KIAA1328: variants seen among roughly 807,000 people sequenced by gnomAD.
KIAA1328 encodes KIAA1328, also known as protein hinderin.
In KIAA1328, 52 loss-of-function variants were observed where a neutral mutation model predicts 68.1. The ratio of observed to expected loss-of-function variants is 0.76; its 90% CI spans 0.61 to 0.96. KIAA1328 has a LOEUF of 0.96. KIAA1328 is among the 40% of genes least tolerant of loss of function. The pLI is 0.00. For missense variants in KIAA1328, 641 were observed against 677.6 expected, an observed-to-expected ratio of 0.95 and a Z score of 0.60; for synonymous variants, 232 against 239.4, an observed-to-expected ratio of 0.97 and a Z score of 0.28.
intron 6 of KIAA1328, among the ~76,000 whole-genome samples, chr18:37,009,032 G>A (rs1314430057): frequency 6.6e-6 from 1 of 152,178 alleles, no homozygotes; most frequent in Non-Finnish European, 1.5e-5. Context: ...GGCAACTTCT[G>A]CAAAGTGTCC....
chr18:37,067,201 A>G lies in KIAA1328; in HGVS notation c.888A>G (p.Pro296=), dbSNP rs1421865134. 15 of 1,613,922 alleles carry G rather than the reference A, an allele frequency of 9.3e-6. No individual in the cohort carries two copies. The highest frequency in any genetic ancestry group is 1.2e-5 in the Non-Finnish European group (14 of 1,179,904). Residue 296 remains proline, a synonymous_variant, in exon 7 of 10, where the codon CCA becomes CCG. Coordinates refer to ENST00000280020, the MANE Select transcript of KIAA1328 (RefSeq NM_020776.3). The part of the protein sequence containing the change: ...PQEELHMKEC[P]HLKPTPSQCC... ...AAGAATTGCACATGAAGGAATGTCC[A>G]CATCTTAAGCCTACTCCTAGTCAAT... is the stretch of plus-strand genomic sequence containing the variant.
intron 7 of KIAA1328, among the ~76,000 whole-genome samples, chr18:37,153,869 A>T (rs1222003393): frequency 6.6e-6 from 1 of 151,274 alleles, no homozygotes; most frequent in African/African-American, 2.4e-5. Context: ...AAAAAAAAAA[A>T]AAAAAAAGAC....
At chr18:37,214,497 C>T (rs2060385363) in intron 9 of KIAA1328, among the ~76,000 whole-genome samples, 1 of 152,076 alleles carries the variant, frequency 6.6e-6, no homozygotes, top group African/African-American at 2.4e-5. Context: ...CTGTTCTGTT[C>T]CATTGTTCTA....
chr18:36,889,474 G>A (rs2048608321), intron 5 of KIAA1328, among the ~76,000 whole-genome samples: 1 of 152,160 alleles, frequency 6.6e-6, no homozygotes, highest in African/African-American at 2.4e-5. Context: ...AAGTACTAAA[G>A]TCTAATGTTT....
rs186235440 is a variant in KIAA1328, at chr18:36,962,584, C to T, written c.576+3149C>T. Among the ~76,000 whole-genome samples the T allele has an allele frequency of 3.3e-5, 5 of 152,288 alleles. No individual in the cohort carries two copies. The East Asian group carries it at 5.8e-4, about 18-fold the overall frequency. ...ACGTAATTGGAAGTAAAGCACTCCTCAGCAAATGTAACAGAACAGAAATCA... is the reference window on the plus strand; with the variant it reads ...ACGTAATTGGAAGTAAAGCACTCCTTAGCAAATGTAACAGAACAGAAATCA... On this transcript the variant is annotated intron_variant, in intron 6 of 9. Transcript: ENST00000280020.
intron 6 of KIAA1328, among the ~76,000 whole-genome samples, chr18:36,969,217 A>T (rs2052069681): frequency 6.6e-6 from 1 of 152,194 alleles, no homozygotes. Context: ...GTAACATCAC[A>T]ACTAAAAGAA....
intron 3 of KIAA1328, among the ~76,000 whole-genome samples, chr18:36,836,605 A>C (rs1437402898): frequency 1.3e-5 from 2 of 150,084 alleles, no homozygotes; most frequent in East Asian, 4.0e-4. Flanking sequence ...GCTTTAGTCA[A>C]CTCTCTTTTT....
chr18:36,882,780 T>C (rs1054701052), intron 4 of KIAA1328, among the ~76,000 whole-genome samples: 10 of 152,234 alleles, frequency 6.6e-5, no homozygotes, highest in Non-Finnish European at 1.5e-4. Flanking sequence ...CATTATGGAA[T>C]ATCTGACCTG....
At chr18:36,887,422 A>AAACC (rs2048537280) in intron 5 of KIAA1328, among the ~76,000 whole-genome samples, 3 of 152,082 alleles carry the variant, frequency 2.0e-5, no homozygotes, top group African/African-American at 7.2e-5. Context: ...TCAGTGGTTT[A>AAACC]ACATTTTCAG....
chr18:37,007,316 C>T (rs1269084138), intron 6 of KIAA1328, among the ~76,000 whole-genome samples: 3 of 152,180 alleles, frequency 2.0e-5, no homozygotes, highest in Admixed American at 2.0e-4. Flanking sequence ...TGAGTGGCTA[C>T]TCTCAGCAGA....
At chr18:37,003,497 A>C (rs1012313636) in intron 6 of KIAA1328, among the ~76,000 whole-genome samples, 1 of 152,044 alleles carries the variant, frequency 6.6e-6, no homozygotes, top group African/African-American at 2.4e-5. Flanking sequence ...CAGGAAAAAA[A>C]CTTGTATTAG....
chr18:37,029,198 T>G (rs1486699465), intron 6 of KIAA1328, among the ~76,000 whole-genome samples: 1 of 127,900 alleles, frequency 7.8e-6, no homozygotes, highest in Non-Finnish European at 1.6e-5. Context: ...ATTTTGAAAC[T>G]CAATATTTTT....
chr18:37,129,076 T>C (rs961494072), intron 7 of KIAA1328, among the ~76,000 whole-genome samples: 4 of 152,176 alleles, frequency 2.6e-5, no homozygotes, highest in African/African-American at 9.7e-5. Flanking sequence ...GTACCTTGAT[T>C]ATGATGCTGA....
rs1270161499 is a variant in KIAA1328, at chr18:37,160,341, G to T, written c.1374G>T (p.Gln458His). Residue 458 changes from glutamine (Q) to histidine (H), a missense_variant, in exon 8 of 10, where the codon CAG becomes CAT. Gln to His is a conservative substitution (Grantham distance 24, BLOSUM62 0). Coordinates refer to ENST00000280020, the MANE Select transcript of KIAA1328 (RefSeq NM_020776.3). ...GFHSHMKDDA[Q>H]WSCQKKDTCR... Reference sequence around the variant, plus strand: ...ATTCGCATATGAAAGATGATGCCCAGTGGTCATGTCAAAAGAAAGATACAT... The same window carrying T: ...ATTCGCATATGAAAGATGATGCCCATTGGTCATGTCAAAAGAAAGATACAT... 1.7e-5 allele frequency: 28 copies of T among 1,613,558 alleles called. No homozygotes were observed. The highest frequency in any genetic ancestry group is 2.3e-5 in the Non-Finnish European group (27 of 1,179,580).
intron 4 of KIAA1328, among the ~76,000 whole-genome samples, chr18:36,867,526 T>G (rs1173802970): frequency 3.3e-5 from 5 of 152,230 alleles, no homozygotes; most frequent in Non-Finnish European, 7.3e-5. Flanking sequence ...CAGAGTGACA[T>G]GCAGCATAAA....
intron 7 of KIAA1328, among the ~76,000 whole-genome samples, chr18:37,151,401 T>C (rs2059025729): frequency 6.6e-6 from 1 of 152,182 alleles, no homozygotes; most frequent in Admixed American, 6.5e-5. Context: ...CAACATACTG[T>C]TTTATAGAAG....
chr18:37,188,211 C>T (rs1031542361), intron 9 of KIAA1328, among the ~76,000 whole-genome samples: 1 of 152,186 alleles, frequency 6.6e-6, no homozygotes, highest in African/African-American at 2.4e-5. Flanking sequence ...CCTTAGTCAG[C>T]ATCCCTTCAT....
At chr18:36,852,788 T>C (rs187908098) in intron 4 of KIAA1328, among the ~76,000 whole-genome samples, 1 of 152,308 alleles carries the variant, frequency 6.6e-6, no homozygotes, top group East Asian at 1.9e-4. Context: ...GTAATGGCAG[T>C]CTCAAACAGT....
chr18:36,960,782 G>C (rs1311302538), intron 6 of KIAA1328, among the ~76,000 whole-genome samples: 1 of 152,090 alleles, frequency 6.6e-6, no homozygotes, highest in Non-Finnish European at 1.5e-5. Flanking sequence ...CAACAAAAAG[G>C]ACATCCACAC....
Sources: gnomAD v4.1 joint callset for allele counts (sites outside exome capture counted in the v4.1 genomes callset) on GRCh38, gnomAD v4.1.1 for gene constraint, MANE v1.5 for transcripts, NCBI Gene and HGNC (gene_info 2026-07-23, HGNC 2026-07-21) for gene names.